BMP7: variants seen among roughly 807,000 people sequenced by gnomAD.
BMP7 encodes the protein osteogenic protein 1.
BMP7 carries 12 observed loss-of-function variants against 41.2 expected under a neutral mutation model. That is an observed-to-expected ratio of 0.29 (90% CI 0.19 to 0.47). The LOEUF (loss-of-function observed/expected upper bound fraction) is 0.47, where lower values mean the gene tolerates loss of function less well. Ranked by LOEUF, BMP7 falls within the 20% of genes least tolerant of loss-of-function variation. BMP7 has a pLI of 0.99. For missense variants in BMP7, 467 were observed against 606.0 expected (o/e 0.77, Z 2.41); for synonymous variants, 248 against 250.0 (o/e 0.99, Z 0.07).
At chr20:57,172,898 C>T (rs1983842340) in intron 6 of BMP7, 1 of 595,268 alleles carries the variant, frequency 1.7e-6, no homozygotes. Context: ...TGCTCTTAGG[C>T]ACCGTAACCA....
chr20:57,190,143 C>T (rs562627455), intron 3 of BMP7, among the ~76,000 whole-genome samples: 3 of 151,888 alleles, frequency 2.0e-5, no homozygotes, highest in South Asian at 2.1e-4. Context: ...AGCGAGGAAC[C>T]GGAGGGGGTG....
Position 57,261,247 on chromosome 20 carries a change from G to T in BMP7, c.418+4458C>A, listed in dbSNP as rs2066152947. On this transcript the variant is annotated intron_variant, in intron 1 of 6. Transcript: ENST00000395863. This position sits in a 1 kb window ranked among gnomAD's most constrained non-coding sequence, Gnocchi z 4.1. ...AAGCCCCAAACCGTAGCTTGAGAGG[G>T]CTGCATCTCAAAAGCGGTTTCGTCT... Among the ~76,000 whole-genome samples, 1 of 152,120 alleles carries T rather than the reference G, an allele frequency of 6.6e-6. No individual in the cohort carries two copies. The highest frequency in any genetic ancestry group is 1.5e-5 in the Non-Finnish European group (1 of 68,030).
rs549381952 is a variant in BMP7 at position 57,192,386 on chromosome 20, C to T, written c.761-8467G>A. On this transcript the variant is annotated intron_variant, in intron 3 of 6. Coordinates refer to ENST00000395863, the MANE Select transcript of BMP7 (RefSeq NM_001719.3). ...TAAAGCACATACTAACGTAGGTGCT[C>T]GTGTACAGATGTAACATGTATTTTG... is the stretch of plus-strand genomic sequence containing the variant. Among the ~76,000 whole-genome samples the T allele has an allele frequency of 2.7e-5, 4 of 148,054 alleles. No homozygotes were observed. In the South Asian group the frequency reaches 8.5e-4, roughly 31 times the overall value.
rs1317323734 is a variant in BMP7 at position 57,169,809 on chromosome 20, T to G, written c.*1150A>C. On this transcript the variant is annotated 3_prime_UTR_variant, in exon 7 of 7. Coordinates refer to ENST00000395863, the MANE Select transcript of BMP7 (RefSeq NM_001719.3). Reference sequence around the variant, plus strand: ...TCTTGTTTTGTCACCCAAGCTGGAGTGCAGTGGGACGATCTTGGCTCACTG... The same window carrying G: ...TCTTGTTTTGTCACCCAAGCTGGAGGGCAGTGGGACGATCTTGGCTCACTG... 2.0e-5 allele frequency: 3 copies of G among 151,930 alleles called. No homozygotes were observed. The highest frequency in any genetic ancestry group is 2.9e-5 in the Non-Finnish European group (2 of 68,040). The allele number at this position is 151,930 out of a possible 1,614,324, so 9.4% of individuals were successfully genotyped here. A position where few individuals can be genotyped will look rare whatever the true frequency, so the allele number is the denominator to read the frequency against.
chr20:57,233,059 G>A (rs2066035057), intron 1 of BMP7, among the ~76,000 whole-genome samples: 1 of 152,118 alleles, frequency 6.6e-6, no homozygotes, highest in Admixed American at 6.5e-5. Context: ...GTAGAAGCTT[G>A]CATGTATTTT....
At chr20:57,195,105 G>A (rs1209418870) in intron 3 of BMP7, among the ~76,000 whole-genome samples, 2 of 152,212 alleles carry the variant, frequency 1.3e-5, no homozygotes, top group Admixed American at 6.5e-5. Flanking sequence ...AACCCCAGAC[G>A]ACTTGAGCAA....
At chr20:57,243,767 C>G (rs1317273518) in intron 1 of BMP7, 1 of 152,388 alleles carries the variant, frequency 6.6e-6, no homozygotes, top group Non-Finnish European at 1.5e-5. Context: ...GTCTCACCCC[C>G]ACTGACACTC....
Position 57,186,603 on chromosome 20 carries a change from G to A in BMP7, c.761-2684C>T, listed in dbSNP as rs117942148. Among the ~76,000 whole-genome samples, 440 of 152,316 alleles carry A rather than the reference G, an allele frequency of 2.9e-3. 4 individuals carry two copies. Among genetic ancestry groups the A allele is most frequent in the Middle Eastern group, 0.017 (5 of 294 alleles). ...AACAAAGTAGAATCTGAACCCAGGT[G>A]AGGATGACGGGGAGTTGGGAGGCTG... is the stretch of plus-strand genomic sequence containing the variant. On this transcript the variant is annotated intron_variant, in intron 3 of 6. Coordinates refer to ENST00000395863, the MANE Select transcript of BMP7 (RefSeq NM_001719.3).
intron 2 of BMP7, among the ~76,000 whole-genome samples, chr20:57,225,059 G>A (rs749194813): frequency 4.6e-5 from 7 of 152,220 alleles, no homozygotes; most frequent in Non-Finnish European, 1.0e-4. Flanking sequence ...GCAGCTGGCG[G>A]CACAGAGACA....
intron 2 of BMP7, among the ~76,000 whole-genome samples, chr20:57,227,455 G>C (rs762001330): frequency 7.0e-6 from 1 of 142,262 alleles, no homozygotes; most frequent in African/African-American, 2.7e-5. Context: ...TTCTGTCCCT[G>C]TCTATGGTAA....
At chr20:57,194,152 A>G (rs1984439916) in intron 3 of BMP7, among the ~76,000 whole-genome samples, 1 of 152,222 alleles carries the variant, frequency 6.6e-6, no homozygotes, top group Non-Finnish European at 1.5e-5. Context: ...CTCCTTGCCT[A>G]CTGCATTTTC....
At position 57,171,215 on chromosome 20, in the gene BMP7, G is replaced by A. The variant is rs1983809953; in HGVS notation, c.1147-107C>T. The A allele has an allele frequency of 4.0e-6, 6 of 1,497,580 alleles. No homozygotes were observed. Among genetic ancestry groups the A allele is most frequent in the Non-Finnish European group, 5.5e-6 (6 of 1,087,438 alleles). 92.8% of individuals were successfully genotyped at this position (1,497,580 alleles called of 1,614,324 possible). On this transcript the variant is annotated intron_variant, in intron 6 of 6. Coordinates refer to ENST00000395863, the MANE Select transcript of BMP7 (RefSeq NM_001719.3). This position sits in a 1 kb window ranked among gnomAD's most constrained non-coding sequence, Gnocchi z 4.5. The stretch of plus-strand genomic sequence containing the variant: ...TCCTGTCTGGGCATAATGAATGACT[G>A]CAGGTGACACTCCCCAAGCCAAGCA...
intron 6 of BMP7, among the ~76,000 whole-genome samples, chr20:57,172,293 A>G (rs1481926425): frequency 1.3e-5 from 2 of 152,186 alleles, no homozygotes; most frequent in Admixed American, 6.5e-5. Context: ...GAAGTTTACA[A>G]TTGAGGAGGG....
At chr20:57,180,392 A>C (rs761786179) in intron 4 of BMP7, among the ~76,000 whole-genome samples, 8 of 144,258 alleles carry the variant, frequency 5.5e-5, no homozygotes, top group Admixed American at 3.7e-4. Flanking sequence ...CCCACAGCCC[A>C]GAGCATCCTC....
intron 2 of BMP7, among the ~76,000 whole-genome samples, chr20:57,225,057 C>T (rs769738996): frequency 2.6e-5 from 4 of 152,178 alleles, no homozygotes; most frequent in East Asian, 3.9e-4. Flanking sequence ...GGGCAGCTGG[C>T]GGCACAGAGA....
At chr20:57,232,438 G>A (rs1253493788) in intron 1 of BMP7, among the ~76,000 whole-genome samples, 2 of 152,082 alleles carry the variant, frequency 1.3e-5, no homozygotes, top group African/African-American at 2.4e-5. Context: ...GCAATAGACC[G>A]AACAATAAAG....
intron 2 of BMP7, among the ~76,000 whole-genome samples, chr20:57,204,293 G>A (rs921038707): frequency 1.3e-5 from 2 of 152,188 alleles, no homozygotes; most frequent in African/African-American, 4.8e-5. Context: ...TAACACTGCA[G>A]ACAGCCACCG....
intron 1 of BMP7, among the ~76,000 whole-genome samples, chr20:57,238,325 T>A (rs1360772799): frequency 6.6e-6 from 1 of 152,254 alleles, no homozygotes; most frequent in Non-Finnish European, 1.5e-5. Context: ...TATTCCACTG[T>A]ATGGATGGGC....
intron 3 of BMP7, among the ~76,000 whole-genome samples, chr20:57,190,605 G>T (rs1202587083): frequency 2.0e-5 from 3 of 152,092 alleles, no homozygotes; most frequent in African/African-American, 7.2e-5. Context: ...TGTGGTGGGA[G>T]ACCCATTCTG....
Sources: gnomAD v4.1 joint callset for allele counts (sites outside exome capture counted in the v4.1 genomes callset) on GRCh38, gnomAD v4.1.1 for gene constraint, Gnocchi (gnomAD v3.1) non-coding constraint, MANE v1.5 for transcripts, NCBI Gene and HGNC (gene_info 2026-07-23, HGNC 2026-07-21) for gene names.